Variants in CCDC77 observed in about 807,000 individuals in gnomAD.
The protein encoded by CCDC77 is coiled-coil domain-containing protein 77.
A neutral mutation model predicts 66.8 loss-of-function variants in CCDC77; 56 were observed. The observed-to-expected ratio is 0.84, with a 90% CI of 0.68 to 1.05. The LOEUF (loss-of-function observed/expected upper bound fraction) is 1.05. CCDC77 is among the 50% of genes least tolerant of loss of function. The probability of loss-of-function intolerance (pLI) is 0.00; values close to 1 mark genes in which losing one functional copy is unlikely to be tolerated. For synonymous variants in CCDC77, 196 were observed against 195.2 expected, an observed-to-expected ratio of 1.00 and a Z score of -0.03; for missense variants, 570 against 576.8, an observed-to-expected ratio of 0.99 and a Z score of 0.12.
intron 8 of CCDC77, 26 bp downstream of exon 8, chr12:431,980 AG>A: frequency 6.8e-7 from 1 of 1,471,596 alleles, no homozygotes; most frequent in South Asian, 1.1e-5. Flanking sequence ...TGGCAGACCA[AG>A]ATGGCTTTTA....
chr12:399,266 G>A (rs145560938), upstream of CCDC77, among the ~76,000 whole-genome samples: 2,022 of 152,104 alleles, frequency 0.013, 101 homozygotes, highest in South Asian at 0.16. Flanking sequence ...CCGCCTCCCA[G>A]GTTCAAGTGA....
intron 5 of CCDC77, among the ~76,000 whole-genome samples, chr12:421,498 CTGTG>C (rs1486308134): frequency 3.1e-4 from 6 of 19,086 alleles, no homozygotes; most frequent in African/African-American, 6.9e-4. Flanking sequence ...CAGTGCTCTT[CTGTG>C]TGTGTGTGCT....
intron 4 of CCDC77, among the ~76,000 whole-genome samples, chr12:416,009 T>A (rs1458096057): frequency 1.3e-5 from 2 of 151,856 alleles, no homozygotes; most frequent in Admixed American, 6.6e-5. Flanking sequence ...TTTCACCATG[T>A]TGGCCAGGGT....
At chr12:436,319 A>G (rs565929069) in intron 9 of CCDC77, among the ~76,000 whole-genome samples, 482 of 151,576 alleles carry the variant, frequency 3.2e-3, no homozygotes, top group Non-Finnish European at 3.7e-3. Flanking sequence ...AGTAGAGACA[A>G]GGTTTCACCG....
chr12:423,740 G>A (rs1945480387), intron 5 of CCDC77, among the ~76,000 whole-genome samples: 1 of 150,234 alleles, frequency 6.7e-6, no homozygotes, highest in African/African-American at 2.5e-5. Flanking sequence ...CAAGCGATTT[G>A]CCCACCTTGG....
Position 423,129 on chromosome 12 carries a change from T to TTTG in CCDC77, c.413+4495_413+4496insGTT, listed in dbSNP as rs1555145497. ...TCTTTTAAGCCTTTTTTTTTTTTTTTTTTTTTTTTGAGACAGGGTCTCACT... is the reference window on the plus strand; with the variant it reads ...TCTTTTAAGCCTTTTTTTTTTTTTTTTTGTTTTTTTTTGAGACAGGGTCTCACT... On this transcript the variant is annotated intron_variant, in intron 5 of 12. Coordinates refer to ENST00000239830, the MANE Select transcript of CCDC77 (RefSeq NM_032358.4). Among the ~76,000 whole-genome samples, 6 of 113,980 alleles carry TTTG rather than the reference T, an allele frequency of 5.3e-5. No homozygotes were observed. The East Asian group carries it at 8.1e-4, about 15-fold the overall frequency. The allele number at this position is 113,980 out of a possible 152,430, so 74.8% of individuals were successfully genotyped here.
In CCDC77 at chr12:393,288, T is replaced by A. The variant is rs185235563; in HGVS notation, c.-113+3802T>A. On this transcript the variant is annotated intron_variant, in intron 1 of 11. Coordinates refer to the CCDC77 transcript ENST00000422000. ...GTTATGCCCAGCTAATTAAAAAAAA[T>A]TTTTTTGTAGACATGGGATCTTGCT... Among the ~76,000 whole-genome samples the A allele has an allele frequency of 3.0e-4, 46 of 151,972 alleles. No homozygotes were observed. In the East Asian group the frequency reaches 8.1e-3, roughly 27 times the overall value.
chr12:431,996 C>A, intron 8 of CCDC77, 42 bp downstream of exon 8: 1 of 1,211,532 alleles, frequency 8.3e-7, no homozygotes, highest in Non-Finnish European at 1.2e-6. Context: ...CTTTTATCCA[C>A]AGGTGCAGCT....
At position 416,383 on chromosome 12, in the gene CCDC77, A is replaced by ATG. The variant is rs1565569218; in HGVS notation, c.271-2110_271-2109insGT. Among the ~76,000 whole-genome samples, 57 of 24,150 alleles carry ATG rather than the reference A, an allele frequency of 2.4e-3. 1 individual carries two copies. The highest frequency in any genetic ancestry group is 0.018 in the South Asian group (11 of 602). 15.8% of individuals were successfully genotyped at this position (24,150 alleles called of 152,430 possible). On this transcript the variant is annotated intron_variant, in intron 4 of 12. Transcript: ENST00000239830. ...TGTGTGTGTGTGTGTGTGTGTATAT[A>ATG]TATATATATATATATATATATATAT...
intron 1 of CCDC77, among the ~76,000 whole-genome samples, chr12:402,599 G>A (rs922716299): frequency 1.3e-5 from 2 of 152,172 alleles, no homozygotes; most frequent in Non-Finnish European, 2.9e-5. Context: ...GGAAAGTTAG[G>A]TTTGGCCCTT....
rs531003434 is a variant in CCDC77 at position 440,891 on chromosome 12, C to T, written c.1215C>T (p.Arg405=). The change falls in exon 12 of 13, where the codon CGC becomes CGT. Residue 405 remains arginine, a synonymous_variant. Transcript: ENST00000239830. ...MGKRLQIMTK[R]YEALERRRIL... is the part of the protein sequence containing the mutation. ...AGCGTTTACAGATAATGACAAAACG[C>T]TATGAGGCATTGGAGCGTCGACGTA... The T allele has an allele frequency of 5.6e-6, 9 of 1,613,848 alleles. 1 individual carries two copies. In the South Asian group the frequency reaches 9.9e-5, roughly 18 times the overall value.
At position 440,628 on chromosome 12, in the gene CCDC77, TAA is replaced by T; in HGVS notation, c.1054_1055del (p.Lys352ValfsTer27). 5 of 1,614,116 alleles carry T rather than the reference TAA, an allele frequency of 3.1e-6. No homozygotes were observed. Among genetic ancestry groups the T allele is most frequent in the Non-Finnish European group, 4.2e-6 (5 of 1,179,994 alleles). On this transcript the variant is annotated frameshift_variant, in exon 11 of 13. Transcript: ENST00000239830. LOFTEE classifies it high-confidence loss of function. ...QSEYIKSLKD[K>X]LVQEKKLSNM... is the part of the protein sequence containing the mutation. Reference sequence around the variant, plus strand: ...CCTTTGACTTGTAGTCCCTAAAAGATAAGTTAGTACAAGAGAAAAAGCTGTCC... The same window carrying T: ...CCTTTGACTTGTAGTCCCTAAAAGATGTTAGTACAAGAGAAAAAGCTGTCC...
chr12:422,843 A>T (rs1945431363), intron 5 of CCDC77, among the ~76,000 whole-genome samples: 1 of 152,114 alleles, frequency 6.6e-6, no homozygotes, highest in Non-Finnish European at 1.5e-5. Flanking sequence ...CCAACTTCCA[A>T]GCTCAAGTGA....
At chr12:413,889 A>G (rs1374487151) in intron 4 of CCDC77, among the ~76,000 whole-genome samples, 1 of 151,526 alleles carries the variant, frequency 6.6e-6, no homozygotes, top group Non-Finnish European at 1.5e-5. Flanking sequence ...CGGCCTTCCA[A>G]AGTGCTGGGA....
intron 1 of CCDC77, among the ~76,000 whole-genome samples, chr12:401,956 G>C (rs1235442410): frequency 3.3e-5 from 5 of 151,122 alleles, no homozygotes; most frequent in Non-Finnish European, 5.9e-5. Context: ...GGGCGCCCTG[G>C]AGATGCGTTC....
intron 5 of CCDC77, among the ~76,000 whole-genome samples, chr12:423,767 G>T (rs1288301453): frequency 1.3e-5 from 2 of 151,840 alleles, no homozygotes; most frequent in Non-Finnish European, 2.9e-5. Context: ...GAAGTGTTAG[G>T]ATTACAGGCG....
chr12:389,451 C>T (rs1299839886), exon 1 of CCDC77: 1 of 454,414 alleles, frequency 2.2e-6, no homozygotes, highest in Non-Finnish European at 4.1e-6. Flanking sequence ...CGCCAAAGTT[C>T]TGCCCAGTCC....
Position 409,397 on chromosome 12 carries a change from C to G in CCDC77, c.14C>G (p.Pro5Arg), listed in dbSNP as rs1261914931. 2 of 1,613,288 alleles carry G rather than the reference C, an allele frequency of 1.2e-6. No homozygotes were observed. The highest frequency in any genetic ancestry group is 1.7e-6 in the Non-Finnish European group (2 of 1,179,808). MNFT[P>R]THTPVCRKRT... ...GAAAAAGACAGCATGAACTTTACCC[C>G]AACACACACCCCTGTCTGCAGAAAG... is the stretch of plus-strand genomic sequence containing the variant. Residue 5 changes from proline to arginine, a missense_variant, in exon 3 of 13, where the codon CCA becomes CGA. Transcript: ENST00000239830.
At chr12:422,325 G>A (rs1223265312) in intron 5 of CCDC77, among the ~76,000 whole-genome samples, 1 of 152,246 alleles carries the variant, frequency 6.6e-6, no homozygotes, top group African/African-American at 2.4e-5. Flanking sequence ...CGGTTCAGTG[G>A]CATTAAGTAT....
Sources: allele counts gnomAD v4.1 joint callset (sites outside exome capture counted in the v4.1 genomes callset), GRCh38; gene constraint gnomAD v4.1.1; transcripts MANE v1.5; gene names NCBI Gene and HGNC (gene_info 2026-07-23, HGNC 2026-07-21).